Variants in NETO1 observed in about 807,000 individuals in gnomAD.
The protein encoded by NETO1 is neuropilin and tolloid-like protein 1.
In NETO1, 26 loss-of-function variants were observed where a neutral mutation model predicts 61.3. The ratio of observed to expected loss-of-function variants is 0.42; its 90% confidence interval spans 0.31 to 0.59. NETO1 has a LOEUF of 0.59. Ranked by LOEUF, NETO1 falls within the 20% of genes least tolerant of loss-of-function variation. NETO1 has a pLI of 0.12. For synonymous variants in NETO1, 225 were observed against 225.8 expected, an observed-to-expected ratio of 1.00 and a Z score of 0.03; for missense variants, 531 against 662.8, an observed-to-expected ratio of 0.80 and a Z score of 2.18.
intron 8 of NETO1, among the ~76,000 whole-genome samples, chr18:72,755,786 A>G (rs527383657): frequency 6.6e-6 from 1 of 152,204 alleles, no homozygotes; most frequent in African/African-American, 2.4e-5. Flanking sequence ...GCAGGCTCTA[A>G]TAAGGTGATG....
At chr18:72,852,818 G>C (rs1012720769) in intron 4 of NETO1, among the ~76,000 whole-genome samples, 5 of 147,082 alleles carry the variant, frequency 3.4e-5, no homozygotes, top group Non-Finnish European at 7.4e-5. Context: ...TCAATACATT[G>C]ATAATTTTCT....
chr18:72,814,828 A>T (rs1345861304), intron 4 of NETO1, among the ~76,000 whole-genome samples: 1 of 152,136 alleles, frequency 6.6e-6, no homozygotes, highest in African/African-American at 2.4e-5. Context: ...AAATGTATAT[A>T]TACCTAATAA....
At chr18:72,775,670 T>C (rs1030791052) in intron 7 of NETO1, among the ~76,000 whole-genome samples, 2 of 152,212 alleles carry the variant, frequency 1.3e-5, no homozygotes, top group African/African-American at 2.4e-5. Flanking sequence ...ATCATTATCA[T>C]CATCATCCTC....
intron 7 of NETO1, among the ~76,000 whole-genome samples, chr18:72,767,166 G>C (rs6566654): frequency 0.76 from 114,876 of 152,104 alleles, 43,791 homozygotes; most frequent in African/African-American, 0.85. Flanking sequence ...AGAGCCAAGC[G>C]TAAACACATC....
chr18:72,778,560 C>T (rs999284853), intron 7 of NETO1, among the ~76,000 whole-genome samples: 11 of 152,140 alleles, frequency 7.2e-5, no homozygotes, highest in African/African-American at 2.4e-4. Context: ...CCACAAAACA[C>T]GAGAGCATAA....
intron 4 of NETO1, among the ~76,000 whole-genome samples, chr18:72,824,350 T>G (rs9319854): frequency 0.81 from 122,564 of 152,090 alleles, 50,114 homozygotes; most frequent in Non-Finnish European, 0.86. Context: ...GTCTCTTCTT[T>G]TAATACATTT....
At chr18:72,865,605 T>G (rs10164255) in intron 1 of NETO1, 981,497 of 1,601,598 alleles carry the variant, frequency 0.61, 304,703 homozygotes, top group East Asian at 0.91. Flanking sequence ...CATCTCTGAA[T>G]GAAGAGAGGG....
chr18:72,862,139 T>C (rs1427483334), intron 3 of NETO1, among the ~76,000 whole-genome samples: 1 of 152,200 alleles, frequency 6.6e-6, no homozygotes, highest in African/African-American at 2.4e-5. Flanking sequence ...TTATGTTCTC[T>C]CATTTTAGAT....
intron 4 of NETO1, among the ~76,000 whole-genome samples, chr18:72,825,807 T>A (rs2073354221): frequency 6.6e-6 from 1 of 152,178 alleles, no homozygotes; most frequent in Non-Finnish European, 1.5e-5. Flanking sequence ...AAAAGTGAAA[T>A]TTTGAGTTTT....
At chr18:72,813,722 G>T (rs1315915238) in intron 4 of NETO1, among the ~76,000 whole-genome samples, 1 of 152,230 alleles carries the variant, frequency 6.6e-6, no homozygotes, top group African/African-American at 2.4e-5. Flanking sequence ...GATACCCGAA[G>T]AAATTTCCAG....
At chr18:72,829,357 A>G (rs2073497186) in intron 4 of NETO1, among the ~76,000 whole-genome samples, 1 of 152,150 alleles carries the variant, frequency 6.6e-6, no homozygotes, top group Non-Finnish European at 1.5e-5. Flanking sequence ...TCCTTAAAGA[A>G]ACTTAAAAAG....
At chr18:72,750,680 A>G (rs2070572468) in intron 8 of NETO1, 60 bp from the exon 9 acceptor site, 1 of 1,219,356 alleles carries the variant, frequency 8.2e-7, no homozygotes, top group Admixed American at 2.4e-5. Flanking sequence ...CGCAGCAAAC[A>G]TTAATATTAT....
intron 7 of NETO1, among the ~76,000 whole-genome samples, chr18:72,774,082 GT>G (rs915841259): frequency 5.3e-5 from 8 of 152,086 alleles, no homozygotes; most frequent in East Asian, 1.9e-4. Context: ...TGGACAATTT[GT>G]TTTTTCCTCT....
intron 4 of NETO1, among the ~76,000 whole-genome samples, chr18:72,842,946 T>C (rs2073979746): frequency 6.6e-6 from 1 of 152,210 alleles, no homozygotes; most frequent in South Asian, 2.1e-4. Flanking sequence ...ATGAATTTCT[T>C]ATAACGGCAT....
chr18:72,807,211 C>T (rs1250329198), intron 4 of NETO1, among the ~76,000 whole-genome samples: 1 of 152,158 alleles, frequency 6.6e-6, no homozygotes, highest in African/African-American at 2.4e-5. Context: ...ACAATTATAG[C>T]TTCTCTTTTT....
At chr18:72,756,811 G>T (rs1379222701) in intron 7 of NETO1, among the ~76,000 whole-genome samples, 1 of 151,764 alleles carries the variant, frequency 6.6e-6, no homozygotes, top group Non-Finnish European at 1.5e-5. Flanking sequence ...CACATTGAGG[G>T]GACTGAGAGG....
chr18:72,848,119 A>G (rs557084024), intron 4 of NETO1, among the ~76,000 whole-genome samples: 2 of 152,322 alleles, frequency 1.3e-5, no homozygotes, highest in East Asian at 3.9e-4. Flanking sequence ...CTCCCAGAAA[A>G]GCCAGGATAA....
At chr18:72,802,449 T>C (rs1300234508) in intron 4 of NETO1, among the ~76,000 whole-genome samples, 1 of 152,206 alleles carries the variant, frequency 6.6e-6, no homozygotes, top group African/African-American at 2.4e-5. Context: ...TAATGCCATG[T>C]CTGGAGAATT....
intron 4 of NETO1, among the ~76,000 whole-genome samples, chr18:72,833,035 A>G: frequency 6.6e-6 from 1 of 152,198 alleles, no homozygotes; most frequent in East Asian, 1.9e-4. Context: ...TCATCAATTC[A>G]AGAGATGGAC....
Sources: gnomAD v4.1 joint callset for allele counts (sites outside exome capture counted in the v4.1 genomes callset) on GRCh38, gnomAD v4.1.1 for gene constraint, MANE v1.5 for transcripts, NCBI Gene and HGNC (gene_info 2026-07-23, HGNC 2026-07-21) for gene names.